The following AUTS2 variants were observed in gnomAD, a reference collection of about 807,000 sequenced individuals.
The protein encoded by AUTS2 is activator of transcription and developmental regulator AUTS2, also known as autism susceptibility gene 2 protein.
A neutral mutation model predicts 112.4 loss-of-function variants in AUTS2; 17 were observed. The ratio of observed to expected loss-of-function variants is 0.15; its 90% CI spans 0.10 to 0.23. AUTS2 has a LOEUF of 0.23. Among genes scored for constraint, AUTS2 ranks in the 10% least tolerant of loss-of-function variants. AUTS2 has a pLI of 1.00. For missense variants in AUTS2, 1,510 were observed against 1,701.6 expected, an observed-to-expected ratio of 0.89 and a Z score of 1.98; for synonymous variants, 751 against 702.7, an observed-to-expected ratio of 1.07 and a Z score of -1.09.
At chr7:70,195,809 A>G (rs1399128948) in intron 4 of AUTS2, among the ~76,000 whole-genome samples, 2 of 152,134 alleles carry the variant, frequency 1.3e-5, no homozygotes, top group Admixed American at 6.5e-5. Context: ...CAATCCTAAA[A>G]TACTCTCTGG....
chr7:69,954,150 A>T (rs1411451810), intron 2 of AUTS2, among the ~76,000 whole-genome samples: 1 of 151,368 alleles, frequency 6.6e-6, no homozygotes, highest in East Asian at 1.9e-4. Context: ...AATCAAACTA[A>T]TCAATCACTC....
At chr7:70,559,087 G>A (rs918501946) in intron 5 of AUTS2, among the ~76,000 whole-genome samples, 1 of 152,298 alleles carries the variant, frequency 6.6e-6, no homozygotes, top group African/African-American at 2.4e-5. Context: ...AGTCTCACGA[G>A]ATCTGATGGT....
intron 6 of AUTS2, among the ~76,000 whole-genome samples, chr7:70,741,229 G>A (rs1429649477): frequency 2.6e-5 from 4 of 151,420 alleles, no homozygotes; most frequent in African/African-American, 4.9e-5. Flanking sequence ...CTGTTACAAC[G>A]CTACATACAG....
rs375568773 is a variant in AUTS2, at chr7:70,751,329, T to C, written c.743-11541T>C. ...GCGGCTTTGCCTTCCACACAATATT[T>C]AGTAATGTAAATACTGGAAGCAGGG... is the stretch of plus-strand genomic sequence containing the variant. On this transcript the variant is annotated intron_variant, in intron 6 of 18. Transcript: ENST00000342771. Among the ~76,000 whole-genome samples the C allele has an allele frequency of 2.7e-4, 41 of 152,356 alleles. 1 individual carries two copies. The South Asian group carries it at 7.9e-3, about 29-fold the overall frequency.
intron 2 of AUTS2, among the ~76,000 whole-genome samples, chr7:69,961,344 T>C (rs1454278757): frequency 6.6e-6 from 1 of 152,146 alleles, no homozygotes; most frequent in African/African-American, 2.4e-5. Context: ...AGTGCTTCCC[T>C]GTCTCTTGAA....
chr7:70,143,816 G>A (rs952895770), intron 4 of AUTS2, among the ~76,000 whole-genome samples: 17 of 152,126 alleles, frequency 1.1e-4, no homozygotes, highest in African/African-American at 4.1e-4. Flanking sequence ...CCAGATAATT[G>A]CAGTGTTTCC....
At chr7:70,740,838 A>G (rs1306640513) in intron 6 of AUTS2, among the ~76,000 whole-genome samples, 1 of 152,200 alleles carries the variant, frequency 6.6e-6, no homozygotes, top group Non-Finnish European at 1.5e-5. Context: ...TCATGCCTAT[A>G]ATCCCAGCAC....
chr7:69,795,918 C>G (rs1403229666), intron 1 of AUTS2, among the ~76,000 whole-genome samples: 1 of 152,140 alleles, frequency 6.6e-6, no homozygotes, highest in Admixed American at 6.5e-5. Context: ...TTTAGGCATG[C>G]CTGCCTGTTC....
chr7:70,311,227 A>G (rs1281112945), intron 4 of AUTS2, among the ~76,000 whole-genome samples: 2 of 152,176 alleles, frequency 1.3e-5, no homozygotes, highest in South Asian at 2.1e-4. Context: ...CTGATCTTAC[A>G]TGATGTGAGG....
intron 1 of AUTS2, among the ~76,000 whole-genome samples, chr7:69,621,807 G>A (rs966061398): frequency 3.9e-5 from 6 of 152,028 alleles, no homozygotes; most frequent in Non-Finnish European, 5.9e-5. Flanking sequence ...TTTGGTAGGC[G>A]TACTTAAAAG....
At chr7:70,128,242 A>G (rs1240843133) in intron 3 of AUTS2, among the ~76,000 whole-genome samples, 2 of 152,192 alleles carry the variant, frequency 1.3e-5, no homozygotes, top group Admixed American at 1.3e-4. Context: ...GTTGCCAAGA[A>G]ATGTCAATCA....
intron 5 of AUTS2, among the ~76,000 whole-genome samples, chr7:70,691,700 C>G (rs370392399): frequency 6.6e-6 from 1 of 151,972 alleles, no homozygotes; most frequent in Admixed American, 6.6e-5. Context: ...GTTCTGCAAC[C>G]GGGCCAGCCA....
intron 4 of AUTS2, among the ~76,000 whole-genome samples, chr7:70,405,838 T>G (rs1168046717): frequency 6.6e-6 from 1 of 152,240 alleles, no homozygotes; most frequent in Non-Finnish European, 1.5e-5. Context: ...GTTATATGTA[T>G]TCATGTTTCA....
intron 6 of AUTS2, among the ~76,000 whole-genome samples, chr7:70,733,879 G>T (rs980356088): frequency 1.3e-5 from 2 of 151,790 alleles, no homozygotes. Flanking sequence ...GAGCCACCAC[G>T]CCTGGCCTCT....
intron 1 of AUTS2, among the ~76,000 whole-genome samples, chr7:69,817,056 G>T (rs1014493253): frequency 1.3e-5 from 2 of 152,110 alleles, no homozygotes; most frequent in Admixed American, 6.5e-5. Context: ...CCTTTAAACA[G>T]TGCTCTGGAC....
intron 1 of AUTS2, among the ~76,000 whole-genome samples, chr7:69,625,289 C>T (rs553291831): frequency 6.6e-6 from 1 of 152,258 alleles, no homozygotes; most frequent in African/African-American, 2.4e-5. Flanking sequence ...ATGTGGAAGC[C>T]ACAAAGTGCC....
chr7:70,500,923 A>C (rs1472280578), intron 5 of AUTS2, among the ~76,000 whole-genome samples: 2 of 151,892 alleles, frequency 1.3e-5, no homozygotes, highest in Non-Finnish European at 2.9e-5. Context: ...GGGTTTCACC[A>C]TGTTGGCCAG....
chr7:69,628,467 C>T (rs1226956976), intron 1 of AUTS2, among the ~76,000 whole-genome samples: 2 of 152,042 alleles, frequency 1.3e-5, no homozygotes, highest in Non-Finnish European at 2.9e-5. Flanking sequence ...GAACATTTGT[C>T]GTAACTGTGA....
At chr7:69,914,356 G>GACACACACACACACACACACACACAC (rs66527808) in intron 2 of AUTS2, among the ~76,000 whole-genome samples, 3 of 135,992 alleles carry the variant, frequency 2.2e-5, no homozygotes, top group East Asian at 2.2e-4. Flanking sequence ...CACACACACA[G>GACACACACACACACACACACACACAC]ACACACACAC....
Sources: allele counts gnomAD v4.1 joint callset (sites outside exome capture counted in the v4.1 genomes callset), GRCh38; gene constraint gnomAD v4.1.1; transcripts MANE v1.5; gene names NCBI Gene and HGNC (gene_info 2026-07-23, HGNC 2026-07-21).